KCNQ5: variants seen among roughly 807,000 people sequenced by gnomAD.
KCNQ5 encodes the protein potassium voltage-gated channel subfamily KQT member 5.
Under a neutral mutation model 98.2 loss-of-function variants are expected in KCNQ5, and 30 were observed. The observed-to-expected ratio is 0.31, with a 90% CI of 0.23 to 0.41. The LOEUF is 0.41. KCNQ5 is among the 10% of genes least tolerant of loss of function. The pLI, the probability that KCNQ5 is intolerant of heterozygous loss-of-function variation, is 1.00. For synonymous variants in KCNQ5, 458 were observed against 449.4 expected (o/e 1.02, Z -0.24); for missense variants, 835 against 1,182.5 (o/e 0.71, Z 4.31).
rs573777256 is a variant in KCNQ5 at position 72,711,876 on chromosome 6, C to A, written c.398+89289C>A. Among the ~76,000 whole-genome samples, 10 of 152,324 alleles carry A rather than the reference C, an allele frequency of 6.6e-5. 1 individual carries two copies. The highest frequency in any genetic ancestry group is 2.4e-4 in the African/African-American group (10 of 41,564). On this transcript the variant is annotated intron_variant, in intron 1 of 13. Coordinates refer to ENST00000370398, the MANE Select transcript of KCNQ5 (RefSeq NM_019842.4). Reference sequence around the variant, plus strand: ...ACTCACAATTTTATCCCCAACTTGACAGTTCCATTTTGGCCATGCTGAATT... The same window carrying A: ...ACTCACAATTTTATCCCCAACTTGAAAGTTCCATTTTGGCCATGCTGAATT...
intron 6 of KCNQ5, among the ~76,000 whole-genome samples, chr6:73,109,505 T>C (rs1775139473): frequency 6.6e-6 from 1 of 152,200 alleles, no homozygotes. Context: ...GTCTACACTT[T>C]ATGAAAAGTA....
At chr6:73,094,447 G>T (rs1171141317) in intron 5 of KCNQ5, among the ~76,000 whole-genome samples, 1 of 152,060 alleles carries the variant, frequency 6.6e-6, no homozygotes, top group African/African-American at 2.4e-5. Flanking sequence ...TATGCTATTT[G>T]TTGCCTGTAT....
intron 5 of KCNQ5, among the ~76,000 whole-genome samples, chr6:73,098,515 A>G (rs1393228794): frequency 6.6e-6 from 1 of 152,232 alleles, no homozygotes; most frequent in Non-Finnish European, 1.5e-5. Flanking sequence ...AAGAAGAGAA[A>G]TAAATAACGT....
At chr6:72,773,283 A>AT (rs1020320626) in intron 1 of KCNQ5, among the ~76,000 whole-genome samples, 3 of 152,188 alleles carry the variant, frequency 2.0e-5, no homozygotes, top group African/African-American at 4.8e-5. Context: ...CATATACACC[A>AT]TGGAATACTA....
At chr6:72,696,088 G>A (rs1228972944) in intron 1 of KCNQ5, among the ~76,000 whole-genome samples, 2 of 152,052 alleles carry the variant, frequency 1.3e-5, no homozygotes, top group East Asian at 3.9e-4. Context: ...AGTAAATTTG[G>A]GAGAATGTAT....
At chr6:72,868,767 A>G (rs1335745005) in intron 1 of KCNQ5, among the ~76,000 whole-genome samples, 1 of 152,178 alleles carries the variant, frequency 6.6e-6, no homozygotes, top group East Asian at 1.9e-4. Flanking sequence ...TGGTGTTCTG[A>G]GGAGATCTGC....
At chr6:73,124,859 A>AT (rs536372031) in intron 9 of KCNQ5, among the ~76,000 whole-genome samples, 1 of 146,680 alleles carries the variant, frequency 6.8e-6, no homozygotes, top group African/African-American at 2.5e-5. Flanking sequence ...AAAGAAAGAA[A>AT]TTTTTTTTCT....
At chr6:72,815,813 G>A (rs574520921) in intron 1 of KCNQ5, among the ~76,000 whole-genome samples, 13 of 152,296 alleles carry the variant, frequency 8.5e-5, no homozygotes, top group African/African-American at 3.1e-4. Flanking sequence ...AGACGATGGT[G>A]CCACTAGCAG....
At chr6:72,961,088 A>G (rs1350588948) in intron 1 of KCNQ5, among the ~76,000 whole-genome samples, 1 of 152,208 alleles carries the variant, frequency 6.6e-6, no homozygotes, top group Non-Finnish European at 1.5e-5. Flanking sequence ...TGGGCAACAT[A>G]GTGAGACCCT....
At chr6:73,157,603 G>C (rs1777419068) in intron 10 of KCNQ5, 1 of 771,190 alleles carries the variant, frequency 1.3e-6, no homozygotes, top group Non-Finnish European at 2.4e-6. Context: ...CGGCGGCAAC[G>C]GTAGTGGCAG....
chr6:72,950,716 G>A (rs1177606223), intron 1 of KCNQ5, among the ~76,000 whole-genome samples: 1 of 152,166 alleles, frequency 6.6e-6, no homozygotes, highest in Non-Finnish European at 1.5e-5. Flanking sequence ...GAATTCCAAG[G>A]GCTGGAGCGG....
At chr6:73,170,846 C>T (rs932902498) in intron 11 of KCNQ5, among the ~76,000 whole-genome samples, 1 of 152,120 alleles carries the variant, frequency 6.6e-6, no homozygotes, top group Non-Finnish European at 1.5e-5. Context: ...AGGCAGGAGA[C>T]TCTCTTGAGC....
chr6:72,635,124 T>A (rs138503784), intron 1 of KCNQ5, among the ~76,000 whole-genome samples: 107 of 150,388 alleles, frequency 7.1e-4, no homozygotes, highest in African/African-American at 2.5e-3. Flanking sequence ...TCACCCACAC[T>A]CAAGCAATTC....
intron 1 of KCNQ5, among the ~76,000 whole-genome samples, chr6:72,750,514 G>C (rs748642307): frequency 6.6e-6 from 1 of 151,972 alleles, no homozygotes; most frequent in African/African-American, 2.4e-5. Context: ...GTCGGTTATA[G>C]ACTGAGCTGT....
At chr6:72,876,968 T>C (rs1394954446) in intron 1 of KCNQ5, among the ~76,000 whole-genome samples, 2 of 152,206 alleles carry the variant, frequency 1.3e-5, no homozygotes, top group African/African-American at 4.8e-5. Flanking sequence ...TCTGCTGCGG[T>C]GTCAAGTAGT....
At chr6:72,749,248 G>A (rs1771558538) in intron 1 of KCNQ5, among the ~76,000 whole-genome samples, 1 of 152,072 alleles carries the variant, frequency 6.6e-6, no homozygotes, top group African/African-American at 2.4e-5. Context: ...TTGAGATTCT[G>A]TTAAAAGTTC....
chr6:73,161,413 T>C (rs1361035570), intron 10 of KCNQ5, among the ~76,000 whole-genome samples: 1 of 152,222 alleles, frequency 6.6e-6, no homozygotes, highest in African/African-American at 2.4e-5. Context: ...AGGGTGACTA[T>C]AGTTTACAGT....
chr6:73,145,933 G>T lies in KCNQ5; in HGVS notation c.1468+12292G>T, dbSNP rs115716001. On this transcript the variant is annotated intron_variant, in intron 10 of 13. Coordinates refer to ENST00000370398, the MANE Select transcript of KCNQ5 (RefSeq NM_019842.4). Reference sequence around the variant, plus strand: ...CGTGGTAGCAGAAGAGAAAGAGACAGAGAGAATGAGAAAGTGAGAGTGAAG... The same window carrying T: ...CGTGGTAGCAGAAGAGAAAGAGACATAGAGAATGAGAAAGTGAGAGTGAAG... Among the ~76,000 whole-genome samples, 1,008 of 152,232 alleles carry T rather than the reference G, an allele frequency of 6.6e-3. 15 individuals are homozygous for T. Among genetic ancestry groups the T allele is most frequent in the African/African-American group, 0.023 (968 of 41,518 alleles).
intron 1 of KCNQ5, among the ~76,000 whole-genome samples, chr6:72,900,521 A>G (rs1201750207): frequency 6.7e-6 from 1 of 148,372 alleles, no homozygotes; most frequent in East Asian, 2.0e-4. Flanking sequence ...ATATATTTAT[A>G]TATATACCAC....
Sources: gnomAD v4.1 joint callset for allele counts (sites outside exome capture counted in the v4.1 genomes callset) on GRCh38, gnomAD v4.1.1 for gene constraint, MANE v1.5 for transcripts, NCBI Gene and HGNC (gene_info 2026-07-23, HGNC 2026-07-21) for gene names.